Variants in ITGB3 observed in about 807,000 individuals in gnomAD.
ITGB3 encodes integrin subunit beta 3.
ITGB3 carries 48 observed loss-of-function variants against 85.8 expected under a neutral mutation model. The ratio of observed to expected loss-of-function variants is 0.56; its 90% CI spans 0.44 to 0.71. ITGB3 has a LOEUF of 0.71. ITGB3 is among the 30% of genes least tolerant of loss of function. The pLI, the probability that ITGB3 is intolerant of heterozygous loss-of-function variation, is 0.00. For missense variants in ITGB3, 861 were observed against 1,019.1 expected (o/e 0.84, Z 2.11); for synonymous variants, 363 against 395.6 (o/e 0.92, Z 0.98).
At chr17:47,282,607 C>T (rs76098016) in intron 2 of ITGB3, among the ~76,000 whole-genome samples, 40 of 152,332 alleles carry the variant, frequency 2.6e-4, no homozygotes, top group Middle Eastern at 3.4e-3. Context: ...CCTCCTTACA[C>T]TGCCTTTCCC....
intron 12 of ITGB3, 89 bp downstream of exon 12, chr17:47,300,667 A>G (rs561031279): frequency 1.1e-6 from 1 of 944,032 alleles, no homozygotes; most frequent in East Asian, 2.6e-5. Flanking sequence ...CCACCTGTAA[A>G]ATGGAAGCGT....
chr17:47,284,736 C>T, intron 4 of ITGB3, 41 bp downstream of exon 4: 7 of 1,613,464 alleles, frequency 4.3e-6, no homozygotes, highest in Non-Finnish European at 5.9e-6. Flanking sequence ...ATCCTTTGCC[C>T]CAGGAAGGTC....
At position 47,292,585 on chromosome 17, in the gene ITGB3, G is replaced by T; in HGVS notation, c.1690+17G>T. On this transcript the variant is annotated intron_variant, in intron 10 of 14. Transcript: ENST00000559488. ...TGTGCTCAGGTGAGGAGAACTGCAG[G>T]GCCCCCTGTCCTGGAACCCACACCC... The T allele has an allele frequency of 6.3e-7, 1 of 1,599,638 alleles. No individual in the cohort carries two copies. Among genetic ancestry groups the T allele is most frequent in the Non-Finnish European group, 8.5e-7 (1 of 1,179,760 alleles).
chr17:47,282,573 GCTCTTAGCCCTGACT>G (rs1218203921), intron 2 of ITGB3, among the ~76,000 whole-genome samples: 3 of 152,074 alleles, frequency 2.0e-5, no homozygotes, highest in Admixed American at 2.0e-4. Flanking sequence ...TTACTCCTGT[GCTCTTAGCCCTGACT>G]CTCTCCTGCC....
rs976694854 is a variant in ITGB3, at chr17:47,253,876, G to A, written c.15G>A (p.Pro5=). ...AGGCGGACGAGATGCGAGCGCGGCC[G>A]CGGCCCCGGCCGCTCTGGGCGACTG... MRAR[P]RPRPLWATVL... Residue 5 remains proline, a synonymous_variant, in exon 1 of 15, where the codon CCG becomes CCA. Coordinates refer to ENST00000559488, the MANE Select transcript of ITGB3 (RefSeq NM_000212.3). 2 of 1,252,302 alleles carry A rather than the reference G, an allele frequency of 1.6e-6. No homozygotes were observed. Among genetic ancestry groups the A allele is most frequent in the Non-Finnish European group, 2.0e-6 (2 of 999,024 alleles). 77.6% of individuals were successfully genotyped at this position (1,252,302 alleles called of 1,614,324 possible). A position where few individuals can be genotyped will look rare whatever the true frequency, so the allele number is the denominator to read the frequency against.
chr17:47,259,269 T>G (rs1465909423), intron 1 of ITGB3: 2 of 151,452 alleles, frequency 1.3e-5, no homozygotes, highest in Non-Finnish European at 2.9e-5. Context: ...TGGGGGCTAT[T>G]CTACCTTTTT....
chr17:47,283,258 A>G, intron 2 of ITGB3, 96 bp from the exon 3 acceptor site: 3 of 1,153,844 alleles, frequency 2.6e-6, no homozygotes, highest in Admixed American at 3.7e-5. Context: ...TGTACGGGGT[A>G]AACTCTTAGC....
chr17:47,300,281 C>G, intron 11 of ITGB3, among the ~76,000 whole-genome samples, 197 bp from the exon 12 acceptor site: 1 of 152,194 alleles, frequency 6.6e-6, no homozygotes, highest in South Asian at 2.1e-4. Context: ...GAGGGGGACA[C>G]TCCCACCCCT....
chr17:47,287,243 G>A lies in ITGB3; in HGVS notation c.939+12G>A, dbSNP rs776238699. ...CCTCCACTACCATGGTGAGATCTCT[G>A]GCACCACCTATGGTTTCTATTCATG... On this transcript the variant is annotated intron_variant, in intron 6 of 14. Coordinates refer to ENST00000559488, the MANE Select transcript of ITGB3 (RefSeq NM_000212.3). 6.2e-7 allele frequency: 1 copy of A among 1,613,438 alleles called. No homozygotes were observed. Among genetic ancestry groups the A allele is most frequent in the Non-Finnish European group, 8.5e-7 (1 of 1,179,570 alleles).
chr17:47,265,062 C>T (rs921613861), intron 1 of ITGB3, among the ~76,000 whole-genome samples: 7 of 152,014 alleles, frequency 4.6e-5, no homozygotes, highest in African/African-American at 1.4e-4. Flanking sequence ...GAATATTTGT[C>T]GAGTAAATGA....
intron 8 of ITGB3, among the ~76,000 whole-genome samples, 178 bp downstream of exon 8, chr17:47,290,452 G>GGAAC (rs1233160477): frequency 1.3e-5 from 2 of 151,282 alleles, no homozygotes; most frequent in African/African-American, 4.9e-5. Flanking sequence ...CTTCTGAGAA[G>GGAAC]GAAGGAAGGA....
At chr17:47,287,009 C>A in intron 5 of ITGB3, 61 bp from the exon 6 acceptor site, 2 of 1,576,862 alleles carry the variant, frequency 1.3e-6, no homozygotes, top group Non-Finnish European at 1.7e-6. Context: ...TGTTCTCTAC[C>A]AGTGACATGG....
chr17:47,313,409 C>T lies in ITGB3; in HGVS notation c.*3205C>T, dbSNP rs2065224087. Among the ~76,000 whole-genome samples, 1 of 139,802 alleles carries T rather than the reference C, an allele frequency of 7.2e-6. No individual in the cohort carries two copies. Among genetic ancestry groups the T allele is most frequent in the Non-Finnish European group, 1.5e-5 (1 of 64,646 alleles). The allele number at this position is 139,802 out of a possible 152,430, so 91.7% of individuals were successfully genotyped here. A position where few individuals can be genotyped will look rare whatever the true frequency, so the allele number is the denominator to read the frequency against. ...TCACCCAGGCTGGAGTGCAGTGGCA[C>T]GATCTCTGCTCACTGCAAGCTTCGC... On this transcript the variant is annotated 3_prime_UTR_variant, in exon 15 of 15. Transcript: ENST00000559488.
chr17:47,303,897 T>G (rs540841491), intron 13 of ITGB3: 2 of 152,218 alleles, frequency 1.3e-5, no homozygotes, highest in South Asian at 4.2e-4. Flanking sequence ...CCACGTTTCC[T>G]ATCTTTTTTT....
At chr17:47,303,715 C>T (rs1175329909) in intron 13 of ITGB3, 2 of 152,280 alleles carry the variant, frequency 1.3e-5, no homozygotes, top group African/African-American at 4.8e-5. Context: ...AGACCAGCCA[C>T]AGGTTTGTCA....
intron 1 of ITGB3, among the ~76,000 whole-genome samples, chr17:47,267,171 T>C (rs2065028682): frequency 6.6e-6 from 1 of 152,246 alleles, no homozygotes; most frequent in Non-Finnish European, 1.5e-5. Context: ...CTCAGAGTTT[T>C]ACAGGGTTTG....
At position 47,291,105 on chromosome 17, in the gene ITGB3, A is replaced by G. The variant is rs750886581; in HGVS notation, c.1260+17A>G. 1 of 1,614,006 alleles carries G rather than the reference A, an allele frequency of 6.2e-7. No homozygotes were observed. ...GGAGACACGGTGAGGTGGGCTGGGC[A>G]GGGCCTTTGTCCTGGAGCATCTGTG... is the stretch of plus-strand genomic sequence containing the variant. On this transcript the variant is annotated intron_variant, in intron 9 of 14. Transcript: ENST00000559488.
chr17:47,259,899 C>CA (rs1393057345), intron 1 of ITGB3, among the ~76,000 whole-genome samples: 1 of 152,116 alleles, frequency 6.6e-6, no homozygotes, highest in Non-Finnish European at 1.5e-5. Context: ...AACTCTGTCT[C>CA]AAAAAACAGA....
chr17:47,254,644 G>C (rs1598674105), intron 1 of ITGB3, among the ~76,000 whole-genome samples: 1 of 152,262 alleles, frequency 6.6e-6, no homozygotes, highest in African/African-American at 2.4e-5. Flanking sequence ...CCATGAAAAG[G>C]CTCCCTTGGG....
Sources: allele counts gnomAD v4.1 joint callset (sites outside exome capture counted in the v4.1 genomes callset), GRCh38; gene constraint gnomAD v4.1.1; transcripts MANE v1.5; gene names NCBI Gene and HGNC (gene_info 2026-07-23, HGNC 2026-07-21).